XKR6: variants seen among roughly 807,000 people sequenced by gnomAD.
XKR6 encodes the protein XK related 6, also known as XK-related protein 6.
XKR6 carries 22 observed loss-of-function variants against 56.7 expected under a neutral mutation model. The observed-to-expected ratio is 0.39, with a 90% CI of 0.28 to 0.55. The LOEUF is 0.55. XKR6 is among the 20% of genes least tolerant of loss of function. XKR6 has a pLI of 0.66. For synonymous variants in XKR6, 524 were observed against 387.8 expected, an observed-to-expected ratio of 1.35 and a Z score of -4.13; for missense variants, 852 against 889.0, an observed-to-expected ratio of 0.96 and a Z score of 0.53.
chr8:11,138,746 T>A (rs575683594), intron 1 of XKR6: 15 of 152,328 alleles, frequency 9.8e-5, no homozygotes, highest in African/African-American at 3.6e-4. Context: ...AGATTATGAT[T>A]CCTACAGCCA....
At chr8:10,929,975 G>T (rs111365754) in intron 1 of XKR6, among the ~76,000 whole-genome samples, 1 of 152,206 alleles carries the variant, frequency 6.6e-6, no homozygotes, top group Non-Finnish European at 1.5e-5. Context: ...AGCTTTCTGA[G>T]GGAGACACGG....
intron 1 of XKR6, among the ~76,000 whole-genome samples, chr8:10,976,040 A>G (rs928726038): frequency 3.9e-5 from 6 of 152,078 alleles, no homozygotes; most frequent in African/African-American, 4.8e-5. Context: ...GCTGGGCGCA[A>G]TGGCGGGCGC....
chr8:11,056,425 A>G (rs1269828911), intron 1 of XKR6, among the ~76,000 whole-genome samples: 1 of 152,184 alleles, frequency 6.6e-6, no homozygotes, highest in Admixed American at 6.5e-5. Flanking sequence ...ACTCCTGGGT[A>G]AACATCCCCT....
chr8:11,011,145 C>A (rs2129145947), intron 1 of XKR6, among the ~76,000 whole-genome samples: 1 of 152,350 alleles, frequency 6.6e-6, no homozygotes, highest in South Asian at 2.1e-4. Flanking sequence ...GAACTTGGCT[C>A]CAAACTCATG....
chr8:11,168,632 T>A (rs1342749073), intron 1 of XKR6, among the ~76,000 whole-genome samples: 1 of 152,212 alleles, frequency 6.6e-6, no homozygotes, highest in African/African-American at 2.4e-5. Flanking sequence ...CAGAAGAGAC[T>A]ATGTTTGTCC....
intron 1 of XKR6, among the ~76,000 whole-genome samples, chr8:10,972,977 T>A (rs980689566): frequency 1.3e-5 from 2 of 152,228 alleles, no homozygotes; most frequent in Non-Finnish European, 2.9e-5. Flanking sequence ...GGACCATTCA[T>A]GAACTGTTCA....
At chr8:10,979,789 C>A (rs1266846444) in intron 1 of XKR6, among the ~76,000 whole-genome samples, 1 of 152,192 alleles carries the variant, frequency 6.6e-6, no homozygotes, top group East Asian at 1.9e-4. Flanking sequence ...TGAGTGAGGA[C>A]CCTGTGCTGC....
chr8:11,049,357 C>G (rs1799487692), intron 1 of XKR6, among the ~76,000 whole-genome samples: 1 of 152,188 alleles, frequency 6.6e-6, no homozygotes, highest in African/African-American at 2.4e-5. Context: ...GTTCAGAGCC[C>G]TTCCAGGCTG....
chr8:11,196,377 T>C (rs1337908010), intron 1 of XKR6, among the ~76,000 whole-genome samples: 1 of 152,184 alleles, frequency 6.6e-6, no homozygotes, highest in African/African-American at 2.4e-5. Context: ...AATTTGCGAA[T>C]TCTTTCAGAA....
At chr8:11,051,153 G>A (rs10103028) in intron 1 of XKR6, among the ~76,000 whole-genome samples, 13,125 of 151,938 alleles carry the variant, frequency 0.086, 1,846 homozygotes, top group African/African-American at 0.29. Flanking sequence ...TTAATTCAGT[G>A]GATCACCCCC....
chr8:11,192,189 C>G (rs564461155), intron 1 of XKR6, among the ~76,000 whole-genome samples: 2 of 151,734 alleles, frequency 1.3e-5, no homozygotes, highest in Non-Finnish European at 2.9e-5. Flanking sequence ...GGTGGAGTCT[C>G]GCTCTGTCAC....
chr8:10,916,653 C>T (rs1311276546), intron 2 of XKR6, among the ~76,000 whole-genome samples: 3 of 152,168 alleles, frequency 2.0e-5, no homozygotes, highest in Admixed American at 6.5e-5. Flanking sequence ...GGATACTTGG[C>T]CAGGGAGACA....
intron 1 of XKR6, among the ~76,000 whole-genome samples, chr8:11,185,407 G>A (rs1490360885): frequency 2.0e-5 from 3 of 152,156 alleles, no homozygotes; most frequent in Admixed American, 6.5e-5. Context: ...TGGGAAAACT[G>A]GTTTCCATAT....
chr8:11,196,146 A>T (rs1242061257), intron 1 of XKR6, among the ~76,000 whole-genome samples: 1 of 152,114 alleles, frequency 6.6e-6, no homozygotes, highest in Non-Finnish European at 1.5e-5. Flanking sequence ...TAAATATTGA[A>T]TATTACCATT....
intron 1 of XKR6, among the ~76,000 whole-genome samples, chr8:11,150,852 CAAAAA>C (rs546547767): frequency 1.1e-5 from 1 of 90,310 alleles, no homozygotes; most frequent in African/African-American, 5.3e-5. Flanking sequence ...GACTCCATCT[CAAAAA>C]AAAAAAAAAA....
At chr8:11,090,976 GA>G (rs1478508626) in intron 1 of XKR6, among the ~76,000 whole-genome samples, 2 of 152,132 alleles carry the variant, frequency 1.3e-5, no homozygotes, top group African/African-American at 4.8e-5. Context: ...TAATGGAAAA[GA>G]GGCACAACTC....
chr8:11,182,924 A>G (rs1803072576), intron 1 of XKR6, among the ~76,000 whole-genome samples: 1 of 152,126 alleles, frequency 6.6e-6, no homozygotes, highest in Admixed American at 6.5e-5. Context: ...GTCTCTATGA[A>G]CTTGACTCCT....
intron 1 of XKR6, among the ~76,000 whole-genome samples, chr8:11,059,448 C>T (rs1799771494): frequency 6.6e-6 from 1 of 152,194 alleles, no homozygotes; most frequent in African/African-American, 2.4e-5. Flanking sequence ...TCCGCGTCCC[C>T]GCGCCGGCGC....
At chr8:11,027,020 T>C (rs971461995) in intron 1 of XKR6, among the ~76,000 whole-genome samples, 1 of 152,152 alleles carries the variant, frequency 6.6e-6, no homozygotes, top group Admixed American at 6.5e-5. Flanking sequence ...ACTTAGATGC[T>C]GTTGCCTACT....
Sources: gnomAD v4.1 joint callset for allele counts (sites outside exome capture counted in the v4.1 genomes callset) on GRCh38, gnomAD v4.1.1 for gene constraint, MANE v1.5 for transcripts, NCBI Gene and HGNC (gene_info 2026-07-23, HGNC 2026-07-21) for gene names.